CPPED1: variants seen among roughly 807,000 people sequenced by gnomAD.
The protein encoded by CPPED1 is calcineurin like phosphoesterase domain containing 1, also known as serine/threonine-protein phosphatase CPPED1.
A neutral mutation model predicts 28.0 loss-of-function variants in CPPED1; 28 were observed. The observed-to-expected ratio is 1.00, with a 90% CI of 0.74 to 1.37. CPPED1 has a LOEUF of 1.37. Among genes scored for constraint, CPPED1 ranks in the 40% most tolerant of loss-of-function variants. The pLI, the probability that CPPED1 is intolerant of heterozygous loss-of-function variation, is 0.00. For missense variants in CPPED1, 504 were observed against 416.5 expected (o/e 1.21, Z -1.83); for synonymous variants, 198 against 180.2 (o/e 1.10, Z -0.79).
At chr16:12,720,702 G>A (rs888905472) in intron 2 of CPPED1, among the ~76,000 whole-genome samples, 59 of 152,168 alleles carry the variant, frequency 3.9e-4, no homozygotes, top group African/African-American at 1.4e-3. Context: ...TGGCCAGGCT[G>A]GTTGACCTCA....
In CPPED1 at chr16:12,704,942, T is replaced by C. The variant is rs945986292; in HGVS notation, c.397A>G (p.Thr133Ala). 1 of 1,613,912 alleles carries C rather than the reference T, an allele frequency of 6.2e-7. No homozygotes were observed. Among genetic ancestry groups the C allele is most frequent in the Non-Finnish European group, 8.5e-7 (1 of 1,179,996 alleles). The change falls in exon 3 of 4, where the codon ACC becomes GCC. Residue 133 changes from threonine to alanine, a missense_variant. Physicochemically the swap from Thr to Ala is moderately conservative, Grantham distance 58. Coordinates refer to ENST00000381774, the MANE Select transcript of CPPED1 (RefSeq NM_018340.3). ...TCCTCGACGGTCTCGGCCGTGGGGGTGTTGCCAATGTCATGGTTGCCGCTG... is the reference window on the plus strand; with the variant it reads ...TCCTCGACGGTCTCGGCCGTGGGGGCGTTGCCAATGTCATGGTTGCCGCTG... ...LVSGNHDIGN[T>A]PTAETVEEFC...
rs556685622 is a variant in CPPED1, at chr16:12,771,085, C to T, written c.289+10100G>A. Among the ~76,000 whole-genome samples the T allele has an allele frequency of 9.2e-5, 14 of 152,164 alleles. No homozygotes were observed. In the South Asian group the frequency reaches 2.1e-3, roughly 23 times the overall value. ...CTAATAAAGTAACAATAAAAAGATC[C>T]GTATCTACCCTCATTTAAATCCTAC... On this transcript the variant is annotated intron_variant, in intron 2 of 3. Transcript: ENST00000381774.
chr16:12,780,031 A>T (rs2080520589), intron 2 of CPPED1, among the ~76,000 whole-genome samples: 1 of 152,184 alleles, frequency 6.6e-6, no homozygotes, highest in African/African-American at 2.4e-5. Flanking sequence ...GGTGTCTGTC[A>T]TCGTTGAATT....
chr16:12,694,880 C>T (rs533591432), intron 3 of CPPED1, among the ~76,000 whole-genome samples: 21 of 152,106 alleles, frequency 1.4e-4, no homozygotes, highest in African/African-American at 4.8e-4. Context: ...CAGCTTCAAG[C>T]GATTCTCCTG....
chr16:12,755,831 T>C (rs567990686), intron 2 of CPPED1, among the ~76,000 whole-genome samples: 5 of 152,248 alleles, frequency 3.3e-5, no homozygotes, highest in Non-Finnish European at 7.4e-5. Context: ...CTCTGCAAGA[T>C]GCCTCAAAGA....
intron 3 of CPPED1, among the ~76,000 whole-genome samples, chr16:12,680,260 G>A (rs553095585): frequency 2.0e-4 from 31 of 152,146 alleles, no homozygotes; most frequent in African/African-American, 2.9e-4. Context: ...CATTTGCCCC[G>A]AGTCTTATAT....
At chr16:12,719,851 G>T (rs936406592) in intron 2 of CPPED1, among the ~76,000 whole-genome samples, 3 of 151,936 alleles carry the variant, frequency 2.0e-5, no homozygotes, top group Non-Finnish European at 4.4e-5. Flanking sequence ...CAGGAGAATT[G>T]CTTGAACCCA....
intron 3 of CPPED1, among the ~76,000 whole-genome samples, chr16:12,702,082 C>T (rs935181408): frequency 1.3e-5 from 2 of 152,174 alleles, no homozygotes; most frequent in Non-Finnish European, 2.9e-5. Context: ...TTGTAGCTAT[C>T]AGTCTCTGGG....
At chr16:12,742,365 A>G (rs931668924) in intron 2 of CPPED1, among the ~76,000 whole-genome samples, 6 of 152,240 alleles carry the variant, frequency 3.9e-5, no homozygotes, top group African/African-American at 1.4e-4. Flanking sequence ...GGACAAGATG[A>G]GGAAGGTAGA....
chr16:12,786,479 A>G (rs750832345), intron 1 of CPPED1, among the ~76,000 whole-genome samples: 2 of 152,170 alleles, frequency 1.3e-5, no homozygotes, highest in Non-Finnish European at 2.9e-5. Context: ...TTGGTTTTGC[A>G]TACTTCTCTG....
At position 12,725,052 on chromosome 16, in the gene CPPED1, C is replaced by T. The variant is rs1251259319; in HGVS notation, c.290-20003G>A. On this transcript the variant is annotated intron_variant, in intron 2 of 3. Transcript: ENST00000381774. ...CCACCTGCCTTGGCCTCCCAAAGTG[C>T]TGGGATTACAGGTGTGACTTACTGC... is the stretch of plus-strand genomic sequence containing the variant. 2.6e-5 allele frequency among the ~76,000 whole-genome samples: 4 copies of T among 151,932 alleles called. No individual in the cohort carries two copies. The East Asian group carries it at 7.8e-4, about 29-fold the overall frequency.
intron 2 of CPPED1, among the ~76,000 whole-genome samples, chr16:12,724,729 T>C (rs2080160236): frequency 6.6e-6 from 1 of 152,230 alleles, no homozygotes; most frequent in Non-Finnish European, 1.5e-5. Context: ...CCATGCCATT[T>C]TGCAAGAGAA....
At position 12,663,196 on chromosome 16, in the gene CPPED1, G is replaced by A. The variant is rs2079806081; in HGVS notation, c.*1690C>T. 1.3e-5 allele frequency: 2 copies of A among 152,204 alleles called. No homozygotes were observed. Among genetic ancestry groups the A allele is most frequent in the East Asian group, 1.9e-4 (1 of 5,204 alleles). The allele number at this position is 152,204 out of a possible 1,614,324, so 9.4% of individuals were successfully genotyped here. On this transcript the variant is annotated 3_prime_UTR_variant, in exon 4 of 4. Transcript: ENST00000381774. ...CTGCCTCAGCCTCCCGAGTAGCTGG[G>A]ATTACAGGTGTGCACCAGCATGCCT...
At chr16:12,712,856 A>G (rs1054281529) in intron 2 of CPPED1, among the ~76,000 whole-genome samples, 1 of 152,218 alleles carries the variant, frequency 6.6e-6, no homozygotes, top group Non-Finnish European at 1.5e-5. Flanking sequence ...AAAACATTTC[A>G]GTTTCCTGAA....
At chr16:12,698,668 T>C (rs1176507743) in intron 3 of CPPED1, among the ~76,000 whole-genome samples, 2 of 152,144 alleles carry the variant, frequency 1.3e-5, no homozygotes, top group East Asian at 3.8e-4. Context: ...TGACTTCAAG[T>C]GATCCACCCA....
chr16:12,746,373 C>CAAAAA (rs71142518), intron 2 of CPPED1, among the ~76,000 whole-genome samples: 43 of 105,520 alleles, frequency 4.1e-4, no homozygotes, highest in Non-Finnish European at 6.8e-4. Context: ...GACTCTGACT[C>CAAAAA]AAAAAAAAAA....
intron 3 of CPPED1, among the ~76,000 whole-genome samples, chr16:12,678,149 G>C (rs972569527): frequency 2.0e-5 from 3 of 152,170 alleles, no homozygotes; most frequent in African/African-American, 7.2e-5. Context: ...TCAAAAAACA[G>C]TGACAACAAA....
chr16:12,789,448 A>G (rs2080583381), intron 1 of CPPED1, among the ~76,000 whole-genome samples: 2 of 152,218 alleles, frequency 1.3e-5, no homozygotes, highest in Admixed American at 6.5e-5. Context: ...TGAAATTACT[A>G]TAGAGAAGAC....
At position 12,664,371 on chromosome 16, in the gene CPPED1, A is replaced by T; in HGVS notation, c.*515T>A. ...TGGCTCCTTGTCAAAATAAGTCTGC[A>T]TGGCTCTCACAACAAGGGAGACAGC... On this transcript the variant is annotated 3_prime_UTR_variant, in exon 4 of 4. Coordinates refer to ENST00000381774, the MANE Select transcript of CPPED1 (RefSeq NM_018340.3). The surrounding 1 kb of genome is among the most constrained non-coding windows in gnomAD (Gnocchi z 4.2). 1.0e-6 allele frequency: 1 copy of T among 996,622 alleles called. No homozygotes were observed. The highest frequency in any genetic ancestry group is 1.2e-6 in the Non-Finnish European group (1 of 838,000). 61.7% of individuals were successfully genotyped at this position (996,622 alleles called of 1,614,324 possible). A position where few individuals can be genotyped will look rare whatever the true frequency, so the allele number is the denominator to read the frequency against.
Sources: gnomAD v4.1 joint callset for allele counts (sites outside exome capture counted in the v4.1 genomes callset) on GRCh38, gnomAD v4.1.1 for gene constraint, Gnocchi (gnomAD v3.1) non-coding constraint, MANE v1.5 for transcripts, NCBI Gene and HGNC (gene_info 2026-07-23, HGNC 2026-07-21) for gene names.